DCTN4: variants seen among roughly 807,000 people sequenced by gnomAD.
DCTN4 encodes dynactin subunit 4, also known as dynactin 4 (p62).
In DCTN4, 23 loss-of-function variants were observed where a neutral mutation model predicts 62.7. The ratio of observed to expected loss-of-function variants is 0.37; its 90% CI spans 0.26 to 0.52. The LOEUF is 0.52. Among genes scored for constraint, DCTN4 ranks in the 20% least tolerant of loss-of-function variants. DCTN4 has a pLI of 0.92. For missense variants in DCTN4, 514 were observed against 580.4 expected, an observed-to-expected ratio of 0.89 and a Z score of 1.18; for synonymous variants, 199 against 202.1, an observed-to-expected ratio of 0.98 and a Z score of 0.13.
In DCTN4 at chr5:150,752,371, TA is replaced by T. The variant is rs1383283439; in HGVS notation, c.385+1107del. On this transcript the variant is annotated intron_variant, in intron 3 of 12. Coordinates refer to ENST00000447998, the MANE Select transcript of DCTN4 (RefSeq NM_016221.4). The stretch of plus-strand genomic sequence containing the variant: ...AGGTATATAATGCCTTAGGTGGTCT[TA>T]AATCCAAACATACCAATTTTTCTCT... Among the ~76,000 whole-genome samples the T allele has an allele frequency of 5.9e-5, 9 of 152,316 alleles. No individual in the cohort carries two copies. In the South Asian group the frequency reaches 1.2e-3, roughly 21 times the overall value.
intron 10 of DCTN4, among the ~76,000 whole-genome samples, chr5:150,718,991 T>C (rs1759868624): frequency 6.6e-6 from 1 of 151,756 alleles, no homozygotes; most frequent in Non-Finnish European, 1.5e-5. Context: ...GCAAATTTTT[T>C]GTATTTTTTG....
intron 4 of DCTN4, among the ~76,000 whole-genome samples, chr5:150,740,557 C>T (rs1212069803): frequency 6.6e-6 from 1 of 152,126 alleles, no homozygotes; most frequent in Admixed American, 6.5e-5. Flanking sequence ...TGGGTATCTA[C>T]TCAAGAGGAA....
intron 2 of DCTN4, among the ~76,000 whole-genome samples, chr5:150,754,639 C>G (rs1752791643): frequency 6.6e-6 from 1 of 152,158 alleles, no homozygotes; most frequent in African/African-American, 2.4e-5. Flanking sequence ...AACCAAGGCT[C>G]CTTGGAGAAA....
chr5:150,746,800 C>G (rs998393568), intron 3 of DCTN4, among the ~76,000 whole-genome samples: 35 of 152,172 alleles, frequency 2.3e-4, no homozygotes, highest in Middle Eastern at 3.4e-3. Flanking sequence ...AAAATAATAA[C>G]AGCTATCTAT....
At chr5:150,717,527 C>A (rs1226934482) in intron 11 of DCTN4, among the ~76,000 whole-genome samples, 2 of 152,186 alleles carry the variant, frequency 1.3e-5, no homozygotes, top group Non-Finnish European at 2.9e-5. Context: ...GGATTACAGG[C>A]GTGAGCCACC....
chr5:150,722,028 G>T (rs1021299059), intron 9 of DCTN4, among the ~76,000 whole-genome samples: 1 of 152,126 alleles, frequency 6.6e-6, no homozygotes, highest in Non-Finnish European at 1.5e-5. Context: ...GTCTTACTAT[G>T]TTGTCCAGGC....
At position 150,755,470 on chromosome 5, in the gene DCTN4, C is replaced by G. The variant is rs1752824074; in HGVS notation, c.206+947G>C. The G allele has an allele frequency of 8.8e-6, 4 of 453,606 alleles. 1 individual carries two copies. The highest frequency in any genetic ancestry group is 6.2e-5 in the South Asian group (4 of 64,050). The allele number at this position is 453,606 out of a possible 1,614,324, so 28.1% of individuals were successfully genotyped here. ...CAAGCCAGATAATCAAGGTTAACAC[C>G]AACAGTGACAAGTCATAAGTATTTA... On this transcript the variant is annotated intron_variant, in intron 2 of 12. Transcript: ENST00000447998.
intron 5 of DCTN4, among the ~76,000 whole-genome samples, chr5:150,732,089 C>A (rs936067850): frequency 4.6e-5 from 7 of 152,178 alleles, no homozygotes; most frequent in Non-Finnish European, 5.9e-5. Flanking sequence ...CTGGACTATT[C>A]AGAAAAATTC....
intron 4 of DCTN4, among the ~76,000 whole-genome samples, chr5:150,741,344 T>C (rs1760762588): frequency 6.6e-6 from 1 of 152,210 alleles, no homozygotes; most frequent in African/African-American, 2.4e-5. Flanking sequence ...GCATATATTT[T>C]AAAATACTTG....
At chr5:150,730,828 G>T in intron 7 of DCTN4, 88 bp from the exon 8 acceptor site, 2 of 1,111,960 alleles carry the variant, frequency 1.8e-6, no homozygotes, top group Non-Finnish European at 1.4e-6. Flanking sequence ...AAGCATTACT[G>T]CCTTTACGAA....
chr5:150,753,010 G>A (rs1752731582), intron 3 of DCTN4, among the ~76,000 whole-genome samples: 1 of 151,968 alleles, frequency 6.6e-6, no homozygotes, highest in Admixed American at 6.6e-5. Context: ...GGGACTACAG[G>A]TGCCCCCACC....
chr5:150,716,659 T>C (rs1023476471), intron 11 of DCTN4, among the ~76,000 whole-genome samples: 1 of 152,086 alleles, frequency 6.6e-6, no homozygotes, highest in African/African-American at 2.4e-5. Flanking sequence ...GTGGCTCAGA[T>C]CTGTAATCTC....
At chr5:150,724,540 G>A (rs1427584973) in intron 8 of DCTN4, among the ~76,000 whole-genome samples, 1 of 152,122 alleles carries the variant, frequency 6.6e-6, no homozygotes, top group African/African-American at 2.4e-5. Flanking sequence ...AAGTCATGAA[G>A]GTATTCTCCT....
chr5:150,750,095 T>C, intron 3 of DCTN4, among the ~76,000 whole-genome samples: 1 of 152,046 alleles, frequency 6.6e-6, no homozygotes, highest in East Asian at 1.9e-4. Flanking sequence ...CTGACTGCAA[T>C]GGGGCATGAG....
chr5:150,756,506 GAAAA>G lies in DCTN4; in HGVS notation c.136-23_136-20del. 1 of 1,395,034 alleles carries G rather than the reference GAAAA, an allele frequency of 7.2e-7. No individual in the cohort carries two copies. The allele number at this position is 1,395,034 out of a possible 1,614,324, so 86.4% of individuals were successfully genotyped here. A position where few individuals can be genotyped will look rare whatever the true frequency, so the allele number is the denominator to read the frequency against. On this transcript the variant is annotated intron_variant, in intron 1 of 12. Transcript: ENST00000447998. ...AGTCCACCTAGGAGGAAACAAGAAA[GAAAA>G]AAAAAACCAGAGGAGAACTCAGTTT...
chr5:150,756,012 C>T (rs1561713548), intron 2 of DCTN4, among the ~76,000 whole-genome samples: 1 of 148,770 alleles, frequency 6.7e-6, no homozygotes, highest in Non-Finnish European at 1.5e-5. Context: ...TGAAAAAGAG[C>T]TGGTTAAAAA....
At position 150,757,127 on chromosome 5, in the gene DCTN4, A is replaced by G. The variant is rs913146599; in HGVS notation, c.136-640T>C. Among the ~76,000 whole-genome samples, 10 of 152,234 alleles carry G rather than the reference A, an allele frequency of 6.6e-5. 1 individual carries two copies. Among genetic ancestry groups the G allele is most frequent in the Non-Finnish European group, 1.3e-4 (9 of 68,038 alleles). On this transcript the variant is annotated intron_variant, in intron 1 of 12. Transcript: ENST00000447998. Reference sequence around the variant, plus strand: ...TGTAGGTCCTATTTGACAATTATAGAACTCTAGTCACCTGCAAATGAAAAG... The same window carrying G: ...TGTAGGTCCTATTTGACAATTATAGGACTCTAGTCACCTGCAAATGAAAAG...
chr5:150,720,801 C>T (rs1192514352), intron 9 of DCTN4, among the ~76,000 whole-genome samples: 3 of 152,114 alleles, frequency 2.0e-5, no homozygotes, highest in South Asian at 2.1e-4. Context: ...ATTAAGATAG[C>T]CAGGCAATTC....
chr5:150,754,778 A>G (rs1752795939), intron 2 of DCTN4, among the ~76,000 whole-genome samples: 3 of 152,222 alleles, frequency 2.0e-5, no homozygotes, highest in Non-Finnish European at 2.9e-5. Flanking sequence ...AGCCTGGGCA[A>G]CATGGCAAAA....
Sources: gnomAD v4.1 joint callset for allele counts (sites outside exome capture counted in the v4.1 genomes callset) on GRCh38, gnomAD v4.1.1 for gene constraint, MANE v1.5 for transcripts, NCBI Gene and HGNC (gene_info 2026-07-23, HGNC 2026-07-21) for gene names.